The following ANAPC4 variants were observed in gnomAD, a reference collection of about 807,000 sequenced individuals.
ANAPC4 encodes the protein anaphase promoting complex subunit 4.
In ANAPC4, 63 loss-of-function variants were observed where a neutral mutation model predicts 119.8. That is an observed-to-expected ratio of 0.53 (90% CI 0.43 to 0.65). ANAPC4 has a LOEUF of 0.65. Ranked by LOEUF, ANAPC4 falls within the 30% of genes least tolerant of loss-of-function variation. The pLI is 0.00. For missense variants in ANAPC4, 716 were observed against 945.1 expected (o/e 0.76, Z 3.18); for synonymous variants, 283 against 318.6 (o/e 0.89, Z 1.19).
At chr4:25,379,630 C>A (rs1721606466) in intron 2 of ANAPC4, among the ~76,000 whole-genome samples, 2 of 152,136 alleles carry the variant, frequency 1.3e-5, no homozygotes, top group South Asian at 2.1e-4. Flanking sequence ...TGACACCTGA[C>A]CATGAGCTGC....
intron 16 of ANAPC4, among the ~76,000 whole-genome samples, chr4:25,397,289 CTG>C (rs1722710941): frequency 6.6e-6 from 1 of 152,070 alleles, no homozygotes; most frequent in South Asian, 2.1e-4. Context: ...CTTGCATTGT[CTG>C]TTTTTTCTGC....
chr4:25,384,485 G>T (rs748440306), intron 4 of ANAPC4, among the ~76,000 whole-genome samples: 2 of 152,190 alleles, frequency 1.3e-5, no homozygotes, highest in East Asian at 3.8e-4. Flanking sequence ...CCATCAGAGC[G>T]ATCGCTATGT....
At chr4:25,387,687 T>TTA (rs10649498) in intron 4 of ANAPC4, among the ~76,000 whole-genome samples, 62,888 of 151,970 alleles carry the variant, frequency 0.41, 15,136 homozygotes, top group Non-Finnish European at 0.53. Flanking sequence ...CACCACTTTT[T>TTA]TACTTGCTTA....
chr4:25,413,078 G>A (rs1256059169), intron 21 of ANAPC4: 1 of 150,328 alleles, frequency 6.7e-6, no homozygotes, highest in Admixed American at 6.6e-5. Context: ...TTTTTCATCT[G>A]TAAATTGGAG....
chr4:25,394,553 T>C, intron 12 of ANAPC4, 118 bp from the exon 13 acceptor site: 1 of 1,187,202 alleles, frequency 8.4e-7, no homozygotes, highest in Non-Finnish European at 1.2e-6. Context: ...GTAGAATTTT[T>C]TGTGGGGCTA....
intron 3 of ANAPC4, 27 bp downstream of exon 3, chr4:25,380,506 T>G (rs1226043963): frequency 1.3e-6 from 2 of 1,535,072 alleles, no homozygotes; most frequent in African/African-American, 2.8e-5. Flanking sequence ...AAAAAAAATA[T>G]GTTTTTATTT....
Position 25,383,244 on chromosome 4 carries a change from GT to G in ANAPC4, c.236-11del, listed in dbSNP as rs745672751. 3.8e-6 allele frequency: 6 copies of G among 1,579,588 alleles called. No individual in the cohort carries two copies. Among genetic ancestry groups the G allele is most frequent in the Non-Finnish European group, 5.1e-6 (6 of 1,165,526 alleles). On this transcript the variant is annotated splice_polypyrimidine_tract_variant and intron_variant, in intron 3 of 28. Transcript: ENST00000315368. ...ATTGTTACACTAATTTATTCTGATT[GT>G]TTTTTCTTGTTTTAGTTTTGGCCTT...
At chr4:25,394,989 G>T in intron 14 of ANAPC4, 84 bp downstream of exon 14, 1 of 1,076,858 alleles carries the variant, frequency 9.3e-7, no homozygotes, top group Non-Finnish European at 1.4e-6. Context: ...TTCTTCATCT[G>T]GCATTCTCTT....
chr4:25,392,973 A>G (rs1450082085), intron 10 of ANAPC4, among the ~76,000 whole-genome samples: 5 of 152,178 alleles, frequency 3.3e-5, no homozygotes, highest in Non-Finnish European at 7.3e-5. Flanking sequence ...GTGGAAGTGT[A>G]CAAAGACTTT....
chr4:25,403,797 T>C (rs1021262318), intron 17 of ANAPC4, among the ~76,000 whole-genome samples: 44 of 152,366 alleles, frequency 2.9e-4, no homozygotes, highest in African/African-American at 9.9e-4. Flanking sequence ...TATTGTGTAT[T>C]GATGCTCCAG....
At position 25,394,889 on chromosome 4, in the gene ANAPC4, A is replaced by G. The variant is rs1233968211; in HGVS notation, c.1045A>G (p.Ile349Val). Residue 349 changes from isoleucine to valine, a missense_variant, in exon 14 of 29, where the codon ATA becomes GTA. Ile to Val is a conservative substitution (Grantham distance 29). Coordinates refer to ENST00000315368, the MANE Select transcript of ANAPC4 (RefSeq NM_013367.3). ...SSYSSIQKLV[I>V]SHLQSGSESL... ...ATACTCCAGTATACAAAAATTGGTC[A>G]TAAGTCATTTACAGAGGTATGAAGG... 2.5e-6 allele frequency: 4 copies of G among 1,613,326 alleles called. No individual in the cohort carries two copies. Among genetic ancestry groups the G allele is most frequent in the Non-Finnish European group, 3.4e-6 (4 of 1,179,700 alleles).
intron 16 of ANAPC4, among the ~76,000 whole-genome samples, chr4:25,401,968 G>C (rs1346856646): frequency 6.6e-6 from 1 of 152,202 alleles, no homozygotes; most frequent in Non-Finnish European, 1.5e-5. Context: ...TGAATGAAAG[G>C]TAGTTTAACT....
At chr4:25,379,385 C>T (rs966115691) in intron 2 of ANAPC4, among the ~76,000 whole-genome samples, 5 of 152,088 alleles carry the variant, frequency 3.3e-5, no homozygotes, top group African/African-American at 1.2e-4. Context: ...GCAATTAAGA[C>T]GGATAGCGAG....
chr4:25,394,789 T>C, intron 13 of ANAPC4, 40 bp from the exon 14 acceptor site: 8 of 1,597,432 alleles, frequency 5.0e-6, no homozygotes, highest in Non-Finnish European at 6.8e-6. Context: ...GCATATAATA[T>C]CCTGATTGTA....
At chr4:25,407,313 T>C (rs895141483) in intron 20 of ANAPC4, 60 bp downstream of exon 20, 2 of 1,364,300 alleles carry the variant, frequency 1.5e-6, no homozygotes, top group Non-Finnish European at 2.0e-6. Context: ...ATCCAAAGTC[T>C]CTGGAAAGAA....
intron 19 of ANAPC4, 69 bp downstream of exon 19, chr4:25,406,954 A>G: frequency 2.4e-6 from 3 of 1,256,334 alleles, no homozygotes; most frequent in Non-Finnish European, 3.3e-6. Context: ...ATGACAAGAC[A>G]TAATTAAATT....
intron 2 of ANAPC4, among the ~76,000 whole-genome samples, chr4:25,379,861 A>G (rs1721616407): frequency 6.6e-6 from 1 of 152,152 alleles, no homozygotes; most frequent in Non-Finnish European, 1.5e-5. Flanking sequence ...CAATGGTTGT[A>G]TAGAAGCTGC....
chr4:25,416,409 C>A lies in ANAPC4; in HGVS notation c.1902-16C>A. ...CACGATCATCTTTGATATAACAAAA[C>A]TTATTTTAATTCTAGCATCTACAGT... On this transcript the variant is annotated splice_polypyrimidine_tract_variant and intron_variant, in intron 26 of 28. Transcript: ENST00000315368. 1 of 1,474,806 alleles carries A rather than the reference C, an allele frequency of 6.8e-7. No homozygotes were observed. Among genetic ancestry groups the A allele is most frequent in the Non-Finnish European group, 9.1e-7 (1 of 1,096,796 alleles). 91.4% of individuals were successfully genotyped at this position (1,474,806 alleles called of 1,614,324 possible).
intron 3 of ANAPC4, among the ~76,000 whole-genome samples, chr4:25,382,042 A>C (rs1456152504): frequency 1.3e-5 from 2 of 152,228 alleles, no homozygotes; most frequent in East Asian, 3.8e-4. Context: ...AAATACATAC[A>C]TGTAGAGATC....
Sources: allele counts gnomAD v4.1 joint callset (sites outside exome capture counted in the v4.1 genomes callset), GRCh38; gene constraint gnomAD v4.1.1; transcripts MANE v1.5; gene names NCBI Gene and HGNC (gene_info 2026-07-23, HGNC 2026-07-21).